The following COP1 variants were observed in gnomAD, a reference collection of about 807,000 sequenced individuals.
The protein encoded by COP1 is E3 ubiquitin-protein ligase COP1.
COP1 carries 24 observed loss-of-function variants against 101.3 expected under a neutral mutation model. That is an observed-to-expected ratio of 0.24 (90% CI 0.17 to 0.33). COP1 has a LOEUF of 0.33. Among genes scored for constraint, COP1 ranks in the 10% least tolerant of loss-of-function variants. COP1 has a pLI of 1.00. For synonymous variants in COP1, 347 were observed against 341.9 expected, an observed-to-expected ratio of 1.01 and a Z score of -0.17; for missense variants, 663 against 906.2, an observed-to-expected ratio of 0.73 and a Z score of 3.45.
intron 18 of COP1, among the ~76,000 whole-genome samples, chr1:175,955,812 C>A (rs920556145): frequency 4.3e-5 from 1 of 23,060 alleles, no homozygotes; most frequent in Non-Finnish European, 1.5e-4. Context: ...GGCCTACATA[C>A]TAAAAATTAC....
intron 14 of COP1, among the ~76,000 whole-genome samples, chr1:176,030,538 C>A (rs1668491144): frequency 6.6e-6 from 1 of 152,068 alleles, no homozygotes; most frequent in Non-Finnish European, 1.5e-5. Context: ...GGTGGCAGGT[C>A]TTTTGTAATT....
chr1:176,156,155 G>A (rs1693417544), intron 5 of COP1, among the ~76,000 whole-genome samples: 1 of 152,098 alleles, frequency 6.6e-6, no homozygotes, highest in East Asian at 1.9e-4. Flanking sequence ...AAAAGGGGAA[G>A]TTTAGTAAAC....
At chr1:176,081,042 A>C in intron 11 of COP1, 110 bp downstream of exon 11, 1 of 924,158 alleles carries the variant, frequency 1.1e-6, no homozygotes. Context: ...AATAATTGGC[A>C]GGCTACTTCA....
intron 9 of COP1, among the ~76,000 whole-genome samples, chr1:176,092,186 G>T (rs1365795532): frequency 2.6e-5 from 4 of 151,934 alleles, no homozygotes; most frequent in Non-Finnish European, 2.9e-5. Flanking sequence ...GTTTATATAT[G>T]GCCAAATATA....
At chr1:175,950,458 G>A (rs1482269686) in intron 18 of COP1, among the ~76,000 whole-genome samples, 1 of 152,082 alleles carries the variant, frequency 6.6e-6, no homozygotes, top group African/African-American at 2.4e-5. Flanking sequence ...TTCTAGCATA[G>A]AGATGTGGAA....
At chr1:175,987,592 A>G (rs917863791) in intron 17 of COP1, among the ~76,000 whole-genome samples, 1 of 152,192 alleles carries the variant, frequency 6.6e-6, no homozygotes, top group Non-Finnish European at 1.5e-5. Context: ...TATAGGAATT[A>G]TTCTATTAAT....
chr1:176,110,476 G>A (rs1415228584), intron 9 of COP1, among the ~76,000 whole-genome samples: 4 of 152,096 alleles, frequency 2.6e-5, no homozygotes, highest in African/African-American at 9.7e-5. Flanking sequence ...GACATTCGTA[G>A]ACATATCTCT....
At chr1:176,004,944 T>A (rs962654729) in intron 15 of COP1, among the ~76,000 whole-genome samples, 4 of 151,822 alleles carry the variant, frequency 2.6e-5, no homozygotes, top group African/African-American at 9.7e-5. Flanking sequence ...TTCCTCCTTG[T>A]ACCTCTGGTA....
At chr1:175,994,932 T>G (rs914992228) in intron 15 of COP1, among the ~76,000 whole-genome samples, 5 of 152,012 alleles carry the variant, frequency 3.3e-5, no homozygotes, top group Admixed American at 6.6e-5. Context: ...CCCAAATCAA[T>G]AGAATATACA....
At chr1:176,075,133 C>T (rs768152499) in intron 11 of COP1, among the ~76,000 whole-genome samples, 17 of 152,150 alleles carry the variant, frequency 1.1e-4, no homozygotes, top group Admixed American at 4.6e-4. Context: ...GCCTGCACTA[C>T]GTTATCAATG....
intron 2 of COP1, among the ~76,000 whole-genome samples, chr1:176,181,869 A>C (rs1697827215): frequency 6.6e-6 from 1 of 152,082 alleles, no homozygotes; most frequent in Non-Finnish European, 1.5e-5. Flanking sequence ...AAATAAACAA[A>C]AAAACACACG....
At chr1:176,028,442 G>A (rs1668060892) in intron 14 of COP1, among the ~76,000 whole-genome samples, 1 of 150,594 alleles carries the variant, frequency 6.6e-6, no homozygotes, top group Non-Finnish European at 1.5e-5. Flanking sequence ...GTGCAGGCCT[G>A]TAGTCCTGGC....
intron 15 of COP1, among the ~76,000 whole-genome samples, chr1:176,003,064 T>C (rs1662143695): frequency 1.3e-5 from 2 of 151,746 alleles, no homozygotes; most frequent in African/African-American, 4.8e-5. Context: ...TGGTGTGAGA[T>C]GGTATCTCAT....
chr1:175,967,053 T>C (rs147782668), intron 18 of COP1, among the ~76,000 whole-genome samples: 2 of 152,298 alleles, frequency 1.3e-5, no homozygotes, highest in Non-Finnish European at 2.9e-5. Flanking sequence ...CCTTACAAAA[T>C]CTTAAAATCG....
chr1:175,994,814 C>T (rs1356404049), intron 15 of COP1, among the ~76,000 whole-genome samples: 1 of 152,306 alleles, frequency 6.6e-6, no homozygotes, highest in South Asian at 2.1e-4. Flanking sequence ...TAACACGCCA[C>T]TGTCAACATT....
intron 18 of COP1, among the ~76,000 whole-genome samples, chr1:175,969,116 T>C (rs1214750128): frequency 6.6e-6 from 1 of 152,212 alleles, no homozygotes; most frequent in African/African-American, 2.4e-5. Flanking sequence ...GGGAATACCA[T>C]GTTAACAGAA....
At chr1:176,088,411 T>C (rs1319813012) in intron 9 of COP1, among the ~76,000 whole-genome samples, 1 of 152,168 alleles carries the variant, frequency 6.6e-6, no homozygotes, top group African/African-American at 2.4e-5. Flanking sequence ...AGTATAATAT[T>C]TGCCCCTGAA....
chr1:175,994,699 G>A (rs1280673338), intron 15 of COP1, among the ~76,000 whole-genome samples: 42 of 152,214 alleles, frequency 2.8e-4, no homozygotes, highest in Non-Finnish European at 1.0e-4. Flanking sequence ...AGCTAACTAT[G>A]CTAAATATAT....
intron 9 of COP1, among the ~76,000 whole-genome samples, chr1:176,098,193 G>A (rs1682762254): frequency 6.6e-6 from 1 of 152,142 alleles, no homozygotes; most frequent in Admixed American, 6.6e-5. Context: ...AACTAACCAT[G>A]CCCTTAATTA....
Sources: allele counts gnomAD v4.1 joint callset (sites outside exome capture counted in the v4.1 genomes callset), GRCh38; gene constraint gnomAD v4.1.1; transcripts MANE v1.5; gene names NCBI Gene and HGNC (gene_info 2026-07-23, HGNC 2026-07-21).